EML5: variants seen among roughly 807,000 people sequenced by gnomAD.
The protein encoded by EML5 is echinoderm microtubule-associated protein-like 5.
In EML5, 120 loss-of-function variants were observed where a neutral mutation model predicts 250.0. The observed-to-expected ratio is 0.48, with a 90% CI of 0.41 to 0.56. The LOEUF (loss-of-function observed/expected upper bound fraction) is 0.56. Among genes scored for constraint, EML5 ranks in the 20% least tolerant of loss-of-function variants. EML5 has a pLI of 0.00. For synonymous variants in EML5, 771 were observed against 806.5 expected (o/e 0.96, Z 0.75); for missense variants, 2,006 against 2,437.6 (o/e 0.82, Z 3.73).
At chr14:88,739,078 T>C (rs2093887673) in intron 5 of EML5, 64 bp from the exon 6 acceptor site, 1 of 1,453,788 alleles carries the variant, frequency 6.9e-7, no homozygotes, top group Non-Finnish European at 9.2e-7. Context: ...TATATGAAGG[T>C]AGAAACCCTT....
Position 88,652,791 on chromosome 14 carries a change from C to T in EML5, c.4005-2865G>A, listed in dbSNP as rs145688756. On this transcript the variant is annotated intron_variant, in intron 27 of 43. Coordinates refer to ENST00000554922, the MANE Select transcript of EML5 (RefSeq NM_183387.3). ...CTCCATATCCCTTTTTATTGTTTAC[C>T]ACCTTTGATTTTGAAACACTAGTTT... Among the ~76,000 whole-genome samples, 447 of 152,138 alleles carry T rather than the reference C, an allele frequency of 2.9e-3. 3 individuals are homozygous for T. The highest frequency in any genetic ancestry group is 0.01 in the African/African-American group (433 of 41,484).
chr14:88,761,645 T>C (rs2140460793), intron 1 of EML5, among the ~76,000 whole-genome samples: 1 of 152,344 alleles, frequency 6.6e-6, no homozygotes, highest in Middle Eastern at 3.4e-3. Context: ...TGAACAGTGC[T>C]GTAATAAACA....
intron 28 of EML5, among the ~76,000 whole-genome samples, chr14:88,649,122 C>T (rs562791178): frequency 9.2e-5 from 14 of 152,180 alleles, no homozygotes; most frequent in Middle Eastern, 3.4e-3. Context: ...CTCAAACTCC[C>T]AGGCTCAAGA....
intron 34 of EML5, chr14:88,627,392 G>A (rs2140420550): frequency 2.1e-6 from 1 of 482,096 alleles, no homozygotes; most frequent in East Asian, 3.5e-5. Flanking sequence ...ATAGTTTCTT[G>A]CTGGAAGAAA....
At chr14:88,790,330 G>A (rs187175280) in intron 1 of EML5, among the ~76,000 whole-genome samples, 4 of 152,314 alleles carry the variant, frequency 2.6e-5, no homozygotes, top group Admixed American at 2.6e-4. Flanking sequence ...TCATAAGCAT[G>A]TATATTCAAC....
intron 33 of EML5, among the ~76,000 whole-genome samples, chr14:88,628,195 A>G (rs2090164962): frequency 1.3e-5 from 2 of 152,110 alleles, no homozygotes; most frequent in Admixed American, 6.6e-5. Flanking sequence ...AACAATAAAT[A>G]TTAAACACCA....
chr14:88,622,048 G>A lies in EML5; in HGVS notation c.5013+556C>T, dbSNP rs534128319. On this transcript the variant is annotated intron_variant, in intron 37 of 43. Transcript: ENST00000554922. ...ATCCCCCTCCCCCTCCCCCTTGTCC[G>A]CCTCCAGTAACCACTATTCTACTCT... The A allele has an allele frequency of 3.5e-4, 104 of 300,354 alleles. 1 individual carries two copies. Among genetic ancestry groups the A allele is most frequent in the African/African-American group, 6.1e-4 (24 of 39,206 alleles). The allele number at this position is 300,354 out of a possible 1,614,324, so 18.6% of individuals were successfully genotyped here. A position where few individuals can be genotyped will look rare whatever the true frequency, so the allele number is the denominator to read the frequency against.
At chr14:88,638,033 A>AGAT (rs1567043793) in intron 32 of EML5, among the ~76,000 whole-genome samples, 1 of 152,174 alleles carries the variant, frequency 6.6e-6, no homozygotes, top group Non-Finnish European at 1.5e-5. Context: ...TAAAAGTATA[A>AGAT]ATTATCTTAG....
intron 19 of EML5, among the ~76,000 whole-genome samples, chr14:88,686,416 A>C (rs2092834147): frequency 6.6e-6 from 1 of 151,768 alleles, no homozygotes; most frequent in Non-Finnish European, 1.5e-5. Context: ...AATAATAACA[A>C]TAATAATAAT....
intron 1 of EML5, among the ~76,000 whole-genome samples, chr14:88,757,045 TCA>T (rs1402370135): frequency 6.6e-6 from 1 of 152,074 alleles, no homozygotes; most frequent in Non-Finnish European, 1.5e-5. Flanking sequence ...GTTGGAAAAA[TCA>T]CACTTTCCAA....
intron 30 of EML5, among the ~76,000 whole-genome samples, chr14:88,643,739 G>A (rs2091197685): frequency 6.6e-6 from 1 of 152,094 alleles, no homozygotes; most frequent in South Asian, 2.1e-4. Flanking sequence ...ATTCATCATC[G>A]GTGGATAAAA....
chr14:88,743,173 A>C (rs2093949499), intron 4 of EML5, among the ~76,000 whole-genome samples: 1 of 152,052 alleles, frequency 6.6e-6, no homozygotes, highest in Non-Finnish European at 1.5e-5. Flanking sequence ...CAAAATTGTA[A>C]CTAGAGAGGA....
chr14:88,663,123 C>A lies in EML5; in HGVS notation c.3410-4G>T, dbSNP rs762010229. 2 of 1,529,000 alleles carry A rather than the reference C, an allele frequency of 1.3e-6. No individual in the cohort carries two copies. The highest frequency in any genetic ancestry group is 1.8e-6 in the Non-Finnish European group (2 of 1,137,886). 94.7% of individuals were successfully genotyped at this position (1,529,000 alleles called of 1,614,324 possible). A position where few individuals can be genotyped will look rare whatever the true frequency, so the allele number is the denominator to read the frequency against. On this transcript the variant is annotated splice_polypyrimidine_tract_variant and splice_region_variant and intron_variant, in intron 23 of 43. Transcript: ENST00000554922. ...GTGTTGACCTGTAAAAGCTTTCCTT[C>A]AAAAAAATTTTTAAAAATATTTACA...
intron 8 of EML5, among the ~76,000 whole-genome samples, chr14:88,724,145 C>T (rs1477410682): frequency 1.3e-5 from 2 of 151,228 alleles, no homozygotes; most frequent in South Asian, 2.1e-4. Context: ...CGTGGTGGCA[C>T]GCACCTATAG....
intron 1 of EML5, among the ~76,000 whole-genome samples, chr14:88,784,405 TAAG>T (rs906844832): frequency 2.9e-5 from 4 of 138,732 alleles, no homozygotes; most frequent in African/African-American, 1.1e-4. Context: ...TTAGCCACAT[TAAG>T]AAAAAAAAAA....
intron 37 of EML5, chr14:88,621,607 G>C: frequency 2.5e-6 from 1 of 406,618 alleles, no homozygotes; most frequent in South Asian, 3.1e-5. Flanking sequence ...TCCAAACTGG[G>C]GTCAGTGCAG....
intron 8 of EML5, among the ~76,000 whole-genome samples, chr14:88,716,992 C>A (rs778292654): frequency 9.2e-5 from 14 of 152,072 alleles, no homozygotes; most frequent in Non-Finnish European, 1.8e-4. Flanking sequence ...TTTTAAGAAG[C>A]AGAAGGAGGC....
Position 88,754,540 on chromosome 14 carries a change from G to T in EML5, c.329C>A (p.Ala110Asp). Residue 110 changes from alanine (A) to aspartate (D), a missense_variant, in exon 2 of 44, where the codon GCT becomes GAT. Around this residue, in one of 7 missense-constraint regions of EML5, gnomAD observed 162 missense variants for 212.2 expected, o/e 0.76. Transcript: ENST00000554922. ...VLKDVHTHGI[A>D]CLAFDLDGQR... ...TCCATCTAAGTCAAACGCCAAGCAA[G>T]CTATACCATGTGTATGAACATCCTT... is the stretch of plus-strand genomic sequence containing the variant. 1.2e-6 allele frequency: 2 copies of T among 1,610,376 alleles called. No homozygotes were observed.
intron 34 of EML5, 103 bp downstream of exon 34, chr14:88,627,543 T>C (rs1159527438): frequency 1.7e-6 from 2 of 1,205,602 alleles, no homozygotes; most frequent in Non-Finnish European, 2.3e-6. Context: ...CTCCACTGAA[T>C]GATTGTTTCA....
Sources: allele counts gnomAD v4.1 joint callset (sites outside exome capture counted in the v4.1 genomes callset), GRCh38; gene constraint gnomAD v4.1.1; regional missense constraint gnomAD v4.1.1; transcripts MANE v1.5; gene names NCBI Gene and HGNC (gene_info 2026-07-23, HGNC 2026-07-21).